The following DOK6 variants were observed in gnomAD, a reference collection of about 807,000 sequenced individuals.
DOK6 encodes downstream of tyrosine kinase 6.
A neutral mutation model predicts 44.0 loss-of-function variants in DOK6; 22 were observed. The observed-to-expected ratio is 0.50, with a 90% CI of 0.36 to 0.71. DOK6 has a LOEUF of 0.71. DOK6 is among the 30% of genes least tolerant of loss of function. The probability of loss-of-function intolerance (pLI) is 0.00; values close to 1 mark genes in which losing one functional copy is unlikely to be tolerated. For missense variants in DOK6, 340 were observed against 416.4 expected (o/e 0.82, Z 1.60); for synonymous variants, 166 against 145.5 (o/e 1.14, Z -1.01).
chr18:69,759,199 G>A (rs1302221591), intron 7 of DOK6, among the ~76,000 whole-genome samples: 3 of 152,156 alleles, frequency 2.0e-5, no homozygotes, highest in Non-Finnish European at 4.4e-5. Context: ...TCAAGAATCG[G>A]AAAGAGAAGA....
chr18:69,510,821 A>G (rs1002636077), intron 1 of DOK6, among the ~76,000 whole-genome samples: 2 of 152,136 alleles, frequency 1.3e-5, no homozygotes, highest in Non-Finnish European at 2.9e-5. Flanking sequence ...ATTTTAGTGT[A>G]CATTTATTTT....
intron 3 of DOK6, among the ~76,000 whole-genome samples, chr18:69,629,566 A>G (rs1215459994): frequency 2.6e-5 from 4 of 152,228 alleles, no homozygotes; most frequent in African/African-American, 9.6e-5. Flanking sequence ...GTGGAATAAA[A>G]GCATTATTGA....
intron 2 of DOK6, among the ~76,000 whole-genome samples, chr18:69,576,286 T>C (rs770057674): frequency 1.3e-5 from 2 of 151,562 alleles, no homozygotes; most frequent in Non-Finnish European, 1.5e-5. Context: ...TTTCTCAAAC[T>C]GTTCTATTTG....
intron 1 of DOK6, among the ~76,000 whole-genome samples, chr18:69,414,811 A>G (rs1740101449): frequency 6.6e-6 from 1 of 152,082 alleles, no homozygotes. Context: ...TAAAATTAAA[A>G]GCTAATTAGA....
chr18:69,662,182 G>A (rs753794157), intron 3 of DOK6: 11 of 152,252 alleles, frequency 7.2e-5, no homozygotes, highest in Non-Finnish European at 1.5e-4. Context: ...GTTTCGCCAT[G>A]TTAGCCAGGC....
chr18:69,559,119 T>A (rs1982763466), intron 1 of DOK6, among the ~76,000 whole-genome samples: 1 of 152,144 alleles, frequency 6.6e-6, no homozygotes, highest in African/African-American at 2.4e-5. Context: ...TCAAAAATAT[T>A]AAATCTATTT....
At chr18:69,761,674 A>G (rs560584632) in intron 7 of DOK6, among the ~76,000 whole-genome samples, 2 of 152,262 alleles carry the variant, frequency 1.3e-5, no homozygotes, top group African/African-American at 4.8e-5. Flanking sequence ...CAAGGGAGAC[A>G]GGGGCAGGAT....
chr18:69,503,389 C>G (rs377049779), intron 1 of DOK6, among the ~76,000 whole-genome samples: 1 of 152,008 alleles, frequency 6.6e-6, no homozygotes, highest in Non-Finnish European at 1.5e-5. Flanking sequence ...GAGTTCACTG[C>G]TACTGTGAAA....
chr18:69,620,473 A>G (rs964785890), intron 3 of DOK6, among the ~76,000 whole-genome samples: 1 of 152,192 alleles, frequency 6.6e-6, no homozygotes, highest in Non-Finnish European at 1.5e-5. Flanking sequence ...GATGAATTAT[A>G]TCAATATGAA....
intron 1 of DOK6, among the ~76,000 whole-genome samples, chr18:69,415,940 A>C (rs1282222624): frequency 6.6e-6 from 1 of 152,078 alleles, no homozygotes; most frequent in Non-Finnish European, 1.5e-5. Context: ...TACACTCATC[A>C]TTTACAAACC....
intron 1 of DOK6, among the ~76,000 whole-genome samples, chr18:69,472,552 C>A (rs1980143865): frequency 6.6e-6 from 1 of 152,220 alleles, no homozygotes; most frequent in African/African-American, 2.4e-5. Context: ...CTGGGCCCCA[C>A]TCCTCCCTAG....
At chr18:69,627,880 C>T (rs1984595292) in intron 3 of DOK6, among the ~76,000 whole-genome samples, 1 of 152,126 alleles carries the variant, frequency 6.6e-6, no homozygotes, top group Admixed American at 6.5e-5. Context: ...TCTTTTGGGA[C>T]AGCACTCTTT....
intron 3 of DOK6, among the ~76,000 whole-genome samples, chr18:69,601,293 G>C (rs571478490): frequency 7.9e-5 from 12 of 152,256 alleles, no homozygotes; most frequent in African/African-American, 2.4e-4. Flanking sequence ...CTGATACTTA[G>C]AGCATTTTAA....
At chr18:69,790,845 G>A (rs1034859018) in intron 7 of DOK6, among the ~76,000 whole-genome samples, 3 of 151,404 alleles carry the variant, frequency 2.0e-5, no homozygotes, top group Non-Finnish European at 4.4e-5. Flanking sequence ...GTTGACTGTG[G>A]CCATCCTGTT....
intron 1 of DOK6, among the ~76,000 whole-genome samples, chr18:69,426,272 C>T (rs1799001079): frequency 6.6e-6 from 1 of 152,114 alleles, no homozygotes; most frequent in Non-Finnish European, 1.5e-5. Context: ...ATTTTCCTTC[C>T]TCTCCAAAGC....
chr18:69,647,033 C>A (rs1203959186), intron 3 of DOK6, among the ~76,000 whole-genome samples: 3 of 135,508 alleles, frequency 2.2e-5, no homozygotes, highest in Non-Finnish European at 3.2e-5. Flanking sequence ...ATCTATCCAT[C>A]TGTCTATCCT....
At chr18:69,684,431 T>A (rs1279041481) in intron 4 of DOK6, among the ~76,000 whole-genome samples, 1 of 152,210 alleles carries the variant, frequency 6.6e-6, no homozygotes, top group Non-Finnish European at 1.5e-5. Flanking sequence ...CGATCCTGGT[T>A]CTTTTGCCCT....
intron 5 of DOK6, chr18:69,721,322 G>A (rs903318917): frequency 1.3e-5 from 2 of 152,182 alleles, no homozygotes; most frequent in Non-Finnish European, 2.9e-5. Flanking sequence ...CTATTTACCT[G>A]AAGAGCGAGA....
intron 7 of DOK6, among the ~76,000 whole-genome samples, chr18:69,839,439 T>C (rs1219476683): frequency 1.3e-5 from 2 of 150,838 alleles, no homozygotes; most frequent in Non-Finnish European, 3.0e-5. Context: ...GTTCCGCCCC[T>C]AACTCCTCTC....
Sources: gnomAD v4.1 joint callset for allele counts (sites outside exome capture counted in the v4.1 genomes callset) on GRCh38, gnomAD v4.1.1 for gene constraint, MANE v1.5 for transcripts, NCBI Gene and HGNC (gene_info 2026-07-23, HGNC 2026-07-21) for gene names.